CABP1: variants seen among roughly 807,000 people sequenced by gnomAD.
CABP1 encodes calcium binding protein 1.
Under a neutral mutation model 34.3 loss-of-function variants are expected in CABP1, and 17 were observed. The observed-to-expected ratio is 0.50, with a 90% CI of 0.34 to 0.74. CABP1 has a LOEUF of 0.74. Ranked by LOEUF, CABP1 falls within the 30% of genes least tolerant of loss-of-function variation. The probability of loss-of-function intolerance (pLI) is 0.01; values close to 1 mark genes in which losing one functional copy is unlikely to be tolerated. For missense variants in CABP1, 373 were observed against 511.1 expected, an observed-to-expected ratio of 0.73 and a Z score of 2.61; for synonymous variants, 198 against 229.2, an observed-to-expected ratio of 0.86 and a Z score of 1.23.
rs1331073607 is a variant in CABP1, at chr12:120,641,465, C to T, written c.654+126C>T. ...CCACGGATCACGCCTCGGCTCACCT[C>T]GTCCTCCCCGGGCCGGCGCCCTTGC... On this transcript the variant is annotated intron_variant, in intron 1 of 5. Transcript: ENST00000316803. The surrounding 1 kb of genome is among the most constrained non-coding windows in gnomAD (Gnocchi z 6.7). 1 of 1,062,954 alleles carries T rather than the reference C, an allele frequency of 9.4e-7. No homozygotes were observed. Among genetic ancestry groups the T allele is most frequent in the South Asian group, 4.7e-5 (1 of 21,238 alleles). 65.8% of individuals were successfully genotyped at this position (1,062,954 alleles called of 1,614,324 possible).
At chr12:120,652,290 T>C (rs555664104) in intron 1 of CABP1, among the ~76,000 whole-genome samples, 1 of 152,298 alleles carries the variant, frequency 6.6e-6, no homozygotes, top group South Asian at 2.1e-4. Context: ...GGAGAGATTT[T>C]CAGTCCACAG....
chr12:120,676,730 T>C, the CABP1 span, among the ~76,000 whole-genome samples: 3 of 152,092 alleles, frequency 2.0e-5, no homozygotes, highest in Non-Finnish European at 4.4e-5. Context: ...CCCGGTCAGC[T>C]TTATTTATTT....
chr12:120,677,710 G>A, the CABP1 span, among the ~76,000 whole-genome samples: 1 of 152,178 alleles, frequency 6.6e-6, no homozygotes, highest in Non-Finnish European at 1.5e-5. Flanking sequence ...CCCAGCTGAA[G>A]TTGCTTTCTA....
chr12:120,651,120 G>A (rs1879817581), intron 1 of CABP1, among the ~76,000 whole-genome samples: 2 of 152,134 alleles, frequency 1.3e-5, no homozygotes, highest in Non-Finnish European at 2.9e-5. Context: ...CTCTCTGATG[G>A]CCTCTAAGCC....
chr12:120,667,852 C>T (rs148165497), downstream of CABP1, among the ~76,000 whole-genome samples: 2 of 152,228 alleles, frequency 1.3e-5, no homozygotes, highest in East Asian at 1.9e-4. Flanking sequence ...TGGGCCAGAA[C>T]CTGGGACTGC....
At position 120,651,822 on chromosome 12, in the gene CABP1, C is replaced by T. The variant is rs150038211; in HGVS notation, c.655-8056C>T. Among the ~76,000 whole-genome samples, 150 of 152,302 alleles carry T rather than the reference C, an allele frequency of 9.8e-4. 4 individuals carry two copies. Among genetic ancestry groups the T allele is most frequent in the African/African-American group, 2.5e-3 (104 of 41,556 alleles). On this transcript the variant is annotated intron_variant, in intron 1 of 5. Transcript: ENST00000316803. ...AAGGGCTTGTTGTTTCTTCCATGCA[C>T]GCCTCCCCCATAATCTGGTATCTTC...
intron 1 of CABP1, chr12:120,650,736 A>G: frequency 6.4e-7 from 1 of 1,571,898 alleles, no homozygotes. Flanking sequence ...GTATCTCACC[A>G]TCTGTCTCAG....
At chr12:120,658,960 C>T (rs1159308858) in intron 1 of CABP1, 1 of 152,296 alleles carries the variant, frequency 6.6e-6, no homozygotes, top group Non-Finnish European at 1.5e-5. Context: ...TATCTCCCTC[C>T]TGGGCAGGCC....
chr12:120,674,993 T>C, the CABP1 span, among the ~76,000 whole-genome samples: 1 of 152,046 alleles, frequency 6.6e-6, no homozygotes, highest in African/African-American at 2.4e-5. Context: ...TGTACATGTA[T>C]AGGATGTATG....
chr12:120,670,846 G>A (rs1881228015), downstream of CABP1, among the ~76,000 whole-genome samples: 1 of 152,164 alleles, frequency 6.6e-6, no homozygotes, highest in South Asian at 2.1e-4. Flanking sequence ...GCTCATTCAT[G>A]CACACATGCA....
intron 5 of CABP1, among the ~76,000 whole-genome samples, chr12:120,664,745 C>A (rs1424930829): frequency 6.6e-6 from 1 of 151,784 alleles, no homozygotes; most frequent in Non-Finnish European, 1.5e-5. Flanking sequence ...GGTGTGGTGG[C>A]GCACACCTGT....
At chr12:120,668,343 T>A (rs1881120063), downstream of CABP1, among the ~76,000 whole-genome samples, 1 of 152,086 alleles carries the variant, frequency 6.6e-6, no homozygotes, top group Admixed American at 6.6e-5. Context: ...ATAGAAAAAT[T>A]AGCCGGGCGT....
intron 1 of CABP1, chr12:120,656,367 C>T (rs1880219459): frequency 1.6e-6 from 2 of 1,218,764 alleles, no homozygotes; most frequent in Non-Finnish European, 2.2e-6. Context: ...GAGCTCACAC[C>T]CCCAACTTAT....
the CABP1 span, among the ~76,000 whole-genome samples, chr12:120,672,902 C>T: frequency 5.9e-5 from 9 of 151,996 alleles, no homozygotes; most frequent in Non-Finnish European, 1.2e-4. Flanking sequence ...TGGTGGTGTG[C>T]GCCTGCAATC....
At chr12:120,657,859 G>A (rs929884881) in intron 1 of CABP1, among the ~76,000 whole-genome samples, 18 of 152,196 alleles carry the variant, frequency 1.2e-4, no homozygotes, top group Admixed American at 3.3e-4. Context: ...GTGGGAGGCT[G>A]CTTAAGGCCT....
At chr12:120,647,975 T>C (rs1479180034) in intron 1 of CABP1, among the ~76,000 whole-genome samples, 1 of 152,120 alleles carries the variant, frequency 6.6e-6, no homozygotes, top group African/African-American at 2.4e-5. Context: ...CCAGTGCCCA[T>C]TGGAGACAGA....
chr12:120,667,745 C>A (rs1881095395), downstream of CABP1, among the ~76,000 whole-genome samples: 1 of 152,178 alleles, frequency 6.6e-6, no homozygotes, highest in Admixed American at 6.5e-5. Flanking sequence ...GCCTTGGCCT[C>A]CCAAAGGGCT....
At chr12:120,645,411 A>G (rs1372519452) in intron 1 of CABP1, among the ~76,000 whole-genome samples, 4 of 152,178 alleles carry the variant, frequency 2.6e-5, no homozygotes, top group Non-Finnish European at 5.9e-5. Context: ...AGAGGCAACA[A>G]TAGCACTTGA....
intron 1 of CABP1, among the ~76,000 whole-genome samples, chr12:120,642,283 G>A (rs932831522): frequency 6.6e-6 from 1 of 152,102 alleles, no homozygotes; most frequent in African/African-American, 2.4e-5. Flanking sequence ...GAGCGTTTGC[G>A]TGGTTTGTAG....
Sources: gnomAD v4.1 joint callset for allele counts (sites outside exome capture counted in the v4.1 genomes callset) on GRCh38, gnomAD v4.1.1 for gene constraint, Gnocchi (gnomAD v3.1) non-coding constraint, MANE v1.5 for transcripts, NCBI Gene and HGNC (gene_info 2026-07-23, HGNC 2026-07-21) for gene names.